Variants in KLHL14 observed in about 807,000 individuals in gnomAD.
KLHL14 encodes kelch like family member 14.
KLHL14 carries 22 observed loss-of-function variants against 64.3 expected under a neutral mutation model. The ratio of observed to expected loss-of-function variants is 0.34; its 90% CI spans 0.24 to 0.49. KLHL14 has a LOEUF of 0.49. Among genes scored for constraint, KLHL14 ranks in the 20% least tolerant of loss-of-function variants. KLHL14 has a pLI of 0.99. For missense variants in KLHL14, 661 were observed against 789.0 expected, an observed-to-expected ratio of 0.84 and a Z score of 1.94; for synonymous variants, 322 against 333.4, an observed-to-expected ratio of 0.97 and a Z score of 0.37.
chr18:32,715,588 A>C (rs1277757816), intron 3 of KLHL14, among the ~76,000 whole-genome samples: 1 of 152,068 alleles, frequency 6.6e-6, no homozygotes, highest in Non-Finnish European at 1.5e-5. Context: ...TTAAGTTAGG[A>C]GCAAACATTT....
intron 3 of KLHL14, among the ~76,000 whole-genome samples, chr18:32,720,980 A>G (rs192603128): frequency 2.6e-5 from 4 of 152,316 alleles, no homozygotes; most frequent in Admixed American, 1.3e-4. Context: ...GTATTTTAAG[A>G]TCATCCTCTT....
At chr18:32,744,971 A>G (rs2144533597) in intron 2 of KLHL14, 1 of 152,360 alleles carries the variant, frequency 6.6e-6, no homozygotes, top group South Asian at 2.1e-4. Context: ...GCAAAGAGCA[A>G]TGAAAGATTC....
At chr18:32,731,856 C>T (rs773924873) in intron 3 of KLHL14, among the ~76,000 whole-genome samples, 1 of 152,100 alleles carries the variant, frequency 6.6e-6, no homozygotes, top group Non-Finnish European at 1.5e-5. Context: ...TGAGGGAAAT[C>T]AGACTTTTAA....
intron 7 of KLHL14, among the ~76,000 whole-genome samples, chr18:32,679,696 TAAAA>T (rs1213525650): frequency 6.6e-6 from 1 of 152,138 alleles, no homozygotes; most frequent in Non-Finnish European, 1.5e-5. Context: ...ATTGAATTCT[TAAAA>T]AAATTCTAAA....
chr18:32,739,846 G>C (rs1279414896), intron 3 of KLHL14, among the ~76,000 whole-genome samples: 1 of 152,130 alleles, frequency 6.6e-6, no homozygotes, highest in Non-Finnish European at 1.5e-5. Flanking sequence ...TTACTTGTCT[G>C]CATGGAGAGC....
intron 2 of KLHL14, chr18:32,744,701 G>A (rs1371066439): frequency 1.3e-5 from 2 of 152,142 alleles, no homozygotes; most frequent in Admixed American, 6.5e-5. Flanking sequence ...GCTCACACAT[G>A]TTTGTAAGGT....
chr18:32,689,137 T>C (rs1336545765), intron 4 of KLHL14, among the ~76,000 whole-genome samples: 2 of 152,112 alleles, frequency 1.3e-5, no homozygotes. Context: ...TGTTTTGGAA[T>C]TAACCTGAGA....
chr18:32,705,337 C>T (rs2144494883), intron 3 of KLHL14, among the ~76,000 whole-genome samples: 1 of 152,248 alleles, frequency 6.6e-6, no homozygotes, highest in Admixed American at 6.5e-5. Context: ...TGCCAATTAC[C>T]CTAATATGAT....
intron 2 of KLHL14, among the ~76,000 whole-genome samples, chr18:32,766,383 T>C (rs998161877): frequency 2.6e-5 from 4 of 152,090 alleles, no homozygotes; most frequent in Non-Finnish European, 5.9e-5. Context: ...TGTCGCTTTA[T>C]GAAACTAAAT....
chr18:32,674,387 A>T lies in KLHL14; in HGVS notation c.*270T>A. 2.7e-6 allele frequency: 1 copy of T among 368,542 alleles called. No individual in the cohort carries two copies. The highest frequency in any genetic ancestry group is 4.9e-6 in the Non-Finnish European group (1 of 202,522). The allele number at this position is 368,542 out of a possible 1,614,324, so 22.8% of individuals were successfully genotyped here. On this transcript the variant is annotated 3_prime_UTR_variant, in exon 9 of 9. Transcript: ENST00000359358. ...TCTCCTTTTGCAAGTTAAGATTCAC[A>T]TGAAGAGTTTTTGTAAAGCTGGGAT...
intron 3 of KLHL14, among the ~76,000 whole-genome samples, chr18:32,739,512 T>A (rs1523579): frequency 0.21 from 32,157 of 152,006 alleles, 3,868 homozygotes; most frequent in Middle Eastern, 0.28. Flanking sequence ...AAACTATATA[T>A]TTTTAAGTAC....
intron 3 of KLHL14, among the ~76,000 whole-genome samples, chr18:32,729,924 C>T (rs995304158): frequency 6.6e-6 from 1 of 152,126 alleles, no homozygotes; most frequent in Non-Finnish European, 1.5e-5. Context: ...GTAATACAGA[C>T]AAGCAACTCC....
intron 2 of KLHL14, among the ~76,000 whole-genome samples, chr18:32,767,213 G>A (rs534427506): frequency 6.6e-6 from 1 of 152,140 alleles, no homozygotes; most frequent in Non-Finnish European, 1.5e-5. Context: ...TTACACTGAT[G>A]CTATAATAAA....
At position 32,770,683 on chromosome 18, in the gene KLHL14, G is replaced by C. The variant is rs774640467; in HGVS notation, c.-43-49C>G. On this transcript the variant is annotated intron_variant, in intron 1 of 8. Transcript: ENST00000359358. The surrounding 1 kb of genome is among the most constrained non-coding windows in gnomAD (Gnocchi z 6.7). ...GGAGGGAGGGGAGCAGGGTGGTGGA[G>C]CGGGTGGGGTGTGGTCGGGGTGGGG... is the stretch of plus-strand genomic sequence containing the variant. 3.4e-6 allele frequency: 3 copies of C among 870,952 alleles called. No homozygotes were observed. Among genetic ancestry groups the C allele is most frequent in the Non-Finnish European group, 4.7e-6 (3 of 638,964 alleles). 54.0% of individuals were successfully genotyped at this position (870,952 alleles called of 1,614,324 possible).
Position 32,680,097 on chromosome 18 carries a change from G to A in KLHL14, c.1588+72C>T. The A allele has an allele frequency of 6.8e-7, 1 of 1,460,908 alleles. No homozygotes were observed. Among genetic ancestry groups the A allele is most frequent in the Admixed American group, 1.9e-5 (1 of 52,614 alleles). The allele number at this position is 1,460,908 out of a possible 1,614,324, so 90.5% of individuals were successfully genotyped here. ...TTGGTTAACTATGATTATCTAAGGA[G>A]AAACCCCCTTAGCGAGAAATATGAG... On this transcript the variant is annotated intron_variant, in intron 7 of 8. Transcript: ENST00000359358. The surrounding 1 kb of genome is among the most constrained non-coding windows in gnomAD (Gnocchi z 4.8).
intron 3 of KLHL14, chr18:32,738,754 T>A (rs889227642): frequency 1.3e-5 from 2 of 152,184 alleles, no homozygotes; most frequent in African/African-American, 4.8e-5. Context: ...GCCGACTATT[T>A]GAATGTTGTT....
At chr18:32,737,533 T>A (rs1249362161) in intron 3 of KLHL14, 2 of 152,192 alleles carry the variant, frequency 1.3e-5, no homozygotes, top group African/African-American at 4.8e-5. Flanking sequence ...TTCAATGTCT[T>A]ATACAAGCTT....
intron 3 of KLHL14, among the ~76,000 whole-genome samples, chr18:32,699,020 G>C (rs547273125): frequency 3.3e-5 from 5 of 152,098 alleles, no homozygotes; most frequent in Non-Finnish European, 5.9e-5. Context: ...GTTAGCAATC[G>C]TAACAAGCTG....
chr18:32,711,889 CCA>C (rs2050021161), intron 3 of KLHL14, among the ~76,000 whole-genome samples: 1 of 152,150 alleles, frequency 6.6e-6, no homozygotes, highest in African/African-American at 2.4e-5. Context: ...ATGTGAAAAC[CCA>C]CAGAGCTGAA....
Sources: gnomAD v4.1 joint callset for allele counts (sites outside exome capture counted in the v4.1 genomes callset) on GRCh38, gnomAD v4.1.1 for gene constraint, Gnocchi (gnomAD v3.1) non-coding constraint, MANE v1.5 for transcripts, NCBI Gene and HGNC (gene_info 2026-07-23, HGNC 2026-07-21) for gene names.